NKAIN2: variants seen among roughly 807,000 people sequenced by gnomAD.
NKAIN2 encodes the protein sodium/potassium-transporting ATPase subunit beta-1-interacting protein 2.
A neutral mutation model predicts 32.6 loss-of-function variants in NKAIN2; 14 were observed. That is an observed-to-expected ratio of 0.43 (90% CI 0.28 to 0.67). The LOEUF (loss-of-function observed/expected upper bound fraction) is 0.67, where lower values mean the gene tolerates loss of function less well. Among genes scored for constraint, NKAIN2 ranks in the 30% least tolerant of loss-of-function variants. NKAIN2 has a pLI of 0.17. For missense variants in NKAIN2, 198 were observed against 258.3 expected (o/e 0.77, Z 1.60); for synonymous variants, 80 against 87.2 (o/e 0.92, Z 0.46).
chr6:123,878,562 C>T (rs951359044), intron 1 of NKAIN2, among the ~76,000 whole-genome samples: 1 of 152,026 alleles, frequency 6.6e-6, no homozygotes, highest in East Asian at 1.9e-4. Context: ...CTTTTAAAAC[C>T]CTTTTCCTGC....
chr6:124,754,008 C>G (rs1254672696), intron 4 of NKAIN2, among the ~76,000 whole-genome samples: 1 of 152,068 alleles, frequency 6.6e-6, no homozygotes, highest in Non-Finnish European at 1.5e-5. Flanking sequence ...ACAATCAGAT[C>G]TTTCTTGGCT....
chr6:124,327,942 A>C (rs560059493), intron 2 of NKAIN2, among the ~76,000 whole-genome samples: 1 of 152,310 alleles, frequency 6.6e-6, no homozygotes, highest in African/African-American at 2.4e-5. Context: ...TAAAGAGGCT[A>C]GTCACATTCA....
chr6:123,836,933 T>C (rs543465245), intron 1 of NKAIN2, among the ~76,000 whole-genome samples: 8 of 152,288 alleles, frequency 5.3e-5, no homozygotes, highest in Non-Finnish European at 7.4e-5. Context: ...CCACAAACGA[T>C]GCACATTAAA....
intron 4 of NKAIN2, among the ~76,000 whole-genome samples, chr6:124,664,793 C>CA (rs57032378): frequency 0.011 from 440 of 40,794 alleles, 100 homozygotes; most frequent in East Asian, 0.024. Flanking sequence ...GACTCCGTCT[C>CA]AAAAAAAAAA....
intron 4 of NKAIN2, among the ~76,000 whole-genome samples, chr6:124,709,768 T>C (rs1278126679): frequency 6.6e-6 from 1 of 151,698 alleles, no homozygotes; most frequent in African/African-American, 2.4e-5. Context: ...TTATTGATCC[T>C]TTCAAAAAAC....
chr6:124,665,088 C>A (rs1772724762), intron 4 of NKAIN2, among the ~76,000 whole-genome samples: 1 of 151,638 alleles, frequency 6.6e-6, no homozygotes, highest in Non-Finnish European at 1.5e-5. Flanking sequence ...TCCATACTAC[C>A]CAAAGAAATC....
intron 3 of NKAIN2, among the ~76,000 whole-genome samples, chr6:124,425,838 C>A (rs573670692): frequency 2.0e-5 from 3 of 152,004 alleles, no homozygotes; most frequent in South Asian, 2.1e-4. Flanking sequence ...GAATGAGAAC[C>A]CTTATTGTAA....
At chr6:124,163,803 G>T (rs751568691) in intron 1 of NKAIN2, among the ~76,000 whole-genome samples, 1 of 152,020 alleles carries the variant, frequency 6.6e-6, no homozygotes, top group Non-Finnish European at 1.5e-5. Context: ...TGATCATTTA[G>T]TTTGGAAAGA....
intron 4 of NKAIN2, among the ~76,000 whole-genome samples, chr6:124,776,285 A>G (rs1778980455): frequency 1.3e-5 from 2 of 152,098 alleles, no homozygotes; most frequent in Admixed American, 6.6e-5. Flanking sequence ...GGTTTATTGT[A>G]CCCTACACTG....
intron 3 of NKAIN2, among the ~76,000 whole-genome samples, chr6:124,550,618 G>A (rs1780252715): frequency 6.6e-6 from 1 of 152,094 alleles, no homozygotes. Context: ...TGAAAGGTAA[G>A]GATTTTGTAT....
At chr6:124,207,921 A>T (rs1476430358) in intron 1 of NKAIN2, among the ~76,000 whole-genome samples, 1 of 151,994 alleles carries the variant, frequency 6.6e-6, no homozygotes, top group Non-Finnish European at 1.5e-5. Flanking sequence ...TGTTACATGC[A>T]CTAGAATTCT....
chr6:124,196,864 TA>T (rs1176450668), intron 1 of NKAIN2, among the ~76,000 whole-genome samples: 2 of 151,934 alleles, frequency 1.3e-5, no homozygotes, highest in Non-Finnish European at 2.9e-5. Flanking sequence ...CAAACTGAGC[TA>T]AAATTTGTGG....
intron 3 of NKAIN2, among the ~76,000 whole-genome samples, chr6:124,401,875 T>C (rs1304323314): frequency 2.0e-5 from 3 of 152,202 alleles, no homozygotes; most frequent in African/African-American, 7.2e-5. Flanking sequence ...CTCCTAATGA[T>C]GTCTTTTGAT....
chr6:124,547,091 A>G (rs1411727330), intron 3 of NKAIN2, among the ~76,000 whole-genome samples: 1 of 152,004 alleles, frequency 6.6e-6, no homozygotes, highest in East Asian at 1.9e-4. Flanking sequence ...TTTTTTTTTC[A>G]CATTTCCTTT....
rs1400981302 is a variant in NKAIN2, at chr6:124,009,059, C to T, written c.54+204805C>T. On this transcript the variant is annotated intron_variant, in intron 1 of 6. Coordinates refer to ENST00000368417, the MANE Select transcript of NKAIN2 (RefSeq NM_001040214.3). ...AAGAAATGAAATAGATCACTGGGCT[C>T]TATTTGATGTATAAATTAACACTGA... Among the ~76,000 whole-genome samples the T allele has an allele frequency of 3.3e-5, 5 of 152,254 alleles. No homozygotes were observed. In the East Asian group the frequency reaches 9.7e-4, roughly 29 times the overall value.
At chr6:124,408,881 G>A (rs1038099319) in intron 3 of NKAIN2, among the ~76,000 whole-genome samples, 1 of 152,102 alleles carries the variant, frequency 6.6e-6, no homozygotes, top group African/African-American at 2.4e-5. Flanking sequence ...ATTGAGCAGT[G>A]GTTTGTAGTT....
chr6:123,868,810 C>G (rs555635602), intron 1 of NKAIN2, among the ~76,000 whole-genome samples: 3 of 152,084 alleles, frequency 2.0e-5, no homozygotes, highest in Non-Finnish European at 4.4e-5. Context: ...GTACTCAGAA[C>G]TCTGCATAAT....
intron 4 of NKAIN2, among the ~76,000 whole-genome samples, chr6:124,748,138 G>A (rs1393217361): frequency 1.3e-5 from 2 of 151,876 alleles, no homozygotes; most frequent in East Asian, 1.9e-4. Flanking sequence ...TACAAGTATC[G>A]TTGCAGAACA....
intron 1 of NKAIN2, among the ~76,000 whole-genome samples, chr6:124,026,895 T>G (rs1352027017): frequency 3.3e-5 from 5 of 152,126 alleles, no homozygotes; most frequent in Non-Finnish European, 7.4e-5. Flanking sequence ...ATTCAACACA[T>G]TGTGGTCTAG....
Sources: gnomAD v4.1 joint callset for allele counts (sites outside exome capture counted in the v4.1 genomes callset) on GRCh38, gnomAD v4.1.1 for gene constraint, MANE v1.5 for transcripts, NCBI Gene and HGNC (gene_info 2026-07-23, HGNC 2026-07-21) for gene names.